The following MAPK13 variants were observed in gnomAD, a reference collection of about 807,000 sequenced individuals.
MAPK13 encodes the protein MAP kinase 13.
Under a neutral mutation model 53.5 loss-of-function variants are expected in MAPK13, and 39 were observed. The observed-to-expected ratio is 0.73, with a 90% confidence interval of 0.56 to 0.95. The LOEUF is 0.95. Ranked by LOEUF, MAPK13 falls within the 40% of genes least tolerant of loss-of-function variation. The pLI is 0.00. For missense variants in MAPK13, 460 were observed against 471.8 expected (o/e 0.98, Z 0.23); for synonymous variants, 179 against 190.9 (o/e 0.94, Z 0.51).
chr6:36,134,657 T>G (rs562522956), intron 3 of MAPK13, among the ~76,000 whole-genome samples: 2 of 151,246 alleles, frequency 1.3e-5, no homozygotes, highest in South Asian at 4.2e-4. Flanking sequence ...CTCAGCCTCT[T>G]GAGTAGCTAA....
In MAPK13 at chr6:36,133,561, C is replaced by T. The variant is rs191129882; in HGVS notation, c.308+882C>T. Among the ~76,000 whole-genome samples, 110 of 152,230 alleles carry T rather than the reference C, an allele frequency of 7.2e-4. 2 individuals carry two copies. Among genetic ancestry groups the T allele is most frequent in the Admixed American group, 4.1e-3 (63 of 15,290 alleles). On this transcript the variant is annotated intron_variant, in intron 3 of 11. Transcript: ENST00000211287. ...TGGGCAGGTTCCTGCTTGAAATACA[C>T]GGTAGAGGAAGAACAGATCTTGGGG...
At chr6:36,131,462 A>C in intron 2 of MAPK13, 62 bp downstream of exon 2, 1 of 1,522,400 alleles carries the variant, frequency 6.6e-7, no homozygotes, top group Non-Finnish European at 8.9e-7. Flanking sequence ...GGGCAGGCGC[A>C]GGCGGGGCCT....
chr6:36,135,746 C>T lies in MAPK13; in HGVS notation c.309-7C>T. On this transcript the variant is annotated splice_region_variant and splice_polypyrimidine_tract_variant and intron_variant, in intron 3 of 11. Transcript: ENST00000211287. The stretch of plus-strand genomic sequence containing the variant: ...GCACTGTTCCAAGAACCCCTCATGC[C>T]TTCCAGCTACCTGGTGATGCCCTTC... The T allele has an allele frequency of 3.1e-6, 5 of 1,607,826 alleles. No individual in the cohort carries two copies. Among genetic ancestry groups the T allele is most frequent in the Non-Finnish European group, 3.4e-6 (4 of 1,175,488 alleles).
chr6:36,136,096 T>G (rs1328297280), intron 5 of MAPK13, 48 bp downstream of exon 5: 3 of 1,607,366 alleles, frequency 1.9e-6, no homozygotes, highest in Non-Finnish European at 2.6e-6. Context: ...GTCCCATCCC[T>G]GGGTATGGGG....
chr6:36,139,510 C>T lies in MAPK13; in HGVS notation c.*137C>T. 1 of 667,456 alleles carries T rather than the reference C, an allele frequency of 1.5e-6. No homozygotes were observed. The highest frequency in any genetic ancestry group is 2.6e-6 in the Non-Finnish European group (1 of 380,444). The allele number at this position is 667,456 out of a possible 1,614,324, so 41.3% of individuals were successfully genotyped here. A position where few individuals can be genotyped will look rare whatever the true frequency, so the allele number is the denominator to read the frequency against. The stretch of plus-strand genomic sequence containing the variant: ...TCCTTCTCCTTATGTGGGAAATGGG[C>T]CTAGTAGATGCAGAATTCAAAGATG... On this transcript the variant is annotated 3_prime_UTR_variant, in exon 12 of 12. Coordinates refer to ENST00000211287, the MANE Select transcript of MAPK13 (RefSeq NM_002754.5).
At position 36,130,614 on chromosome 6, in the gene MAPK13, A is replaced by G; in HGVS notation, c.32A>G (p.Lys11Arg). The G allele has an allele frequency of 6.3e-7, 1 of 1,584,144 alleles. No homozygotes were observed. The highest frequency in any genetic ancestry group is 8.6e-7 in the Non-Finnish European group (1 of 1,167,282). The change falls in exon 1 of 12, where the codon AAG becomes AGG. Residue 11 changes from lysine (K) to arginine (R), a missense_variant. Lys to Arg is a conservative substitution (Grantham distance 26). Transcript: ENST00000211287. The surrounding 1 kb of genome is among the most constrained non-coding windows in gnomAD (Gnocchi z 4.5). ...CTCATCCGGAAAAAGGGCTTCTACAAGCAGGACGTCAACAAGACAGCCTGG... is the reference window on the plus strand; with the variant it reads ...CTCATCCGGAAAAAGGGCTTCTACAGGCAGGACGTCAACAAGACAGCCTGG... MSLIRKKGFYKQDVNKTAWEL... is the reference protein window; with the variant it reads MSLIRKKGFYRQDVNKTAWEL...
chr6:36,141,174 C>T lies in MAPK13; in HGVS notation c.*1801C>T, dbSNP rs1766524557. The stretch of plus-strand genomic sequence containing the variant: ...GTGGATACCTATTGTGCATTTGTTA[C>T]CATCTGTAGGACTGGATAACACAGA... On this transcript the variant is annotated 3_prime_UTR_variant, in exon 12 of 12. Transcript: ENST00000211287. The T allele has an allele frequency of 6.6e-6, 1 of 152,054 alleles. No individual in the cohort carries two copies. The highest frequency in any genetic ancestry group is 1.5e-5 in the Non-Finnish European group (1 of 68,032). The allele number at this position is 152,054 out of a possible 1,614,324, so 9.4% of individuals were successfully genotyped here.
intron 3 of MAPK13, among the ~76,000 whole-genome samples, chr6:36,135,268 CCCTCTTCCACCCT>C: frequency 6.6e-6 from 1 of 152,234 alleles, no homozygotes; most frequent in Non-Finnish European, 1.5e-5. Context: ...CTCCCCATCT[CCCTCTTCCACCCT>C]CCTGGAAACT....
intron 8 of MAPK13, among the ~76,000 whole-genome samples, chr6:36,137,415 T>A (rs1160684299): frequency 1.3e-5 from 2 of 152,100 alleles, no homozygotes; most frequent in African/African-American, 2.4e-5. Context: ...CTCAGGAGGC[T>A]GAGGCAGGAG....
intron 8 of MAPK13, among the ~76,000 whole-genome samples, chr6:36,137,649 CAAAAAA>C (rs71540139): frequency 8.3e-6 from 1 of 120,146 alleles, no homozygotes; most frequent in East Asian, 2.1e-4. Context: ...GACCCTAACT[CAAAAAA>C]AAAAAAAAAA....
rs746068053 is a variant in MAPK13 at position 36,136,644 on chromosome 6, CCT to C, written c.496-11_496-10del. 4.9e-4 allele frequency: 795 copies of C among 1,613,016 alleles called. 1 individual carries two copies. The highest frequency in any genetic ancestry group is 7.2e-4 in the Admixed American group (43 of 59,808). ...CAGCAAGTTCCTTTTCTATTTATCC[CCT>C]GTGCCATAGATTCTGGATTTTGGGC... On this transcript the variant is annotated splice_polypyrimidine_tract_variant and intron_variant, in intron 6 of 11. Coordinates refer to ENST00000211287, the MANE Select transcript of MAPK13 (RefSeq NM_002754.5).
chr6:36,132,788 C>T, intron 3 of MAPK13, 109 bp downstream of exon 3: 3 of 1,161,082 alleles, frequency 2.6e-6, no homozygotes, highest in East Asian at 2.3e-5. Flanking sequence ...CGGGGAGAGC[C>T]TCCTTCCCTG....
Position 36,130,713 on chromosome 6 carries a change from G to GC in MAPK13, c.119+12_119+13insC. On this transcript the variant is annotated intron_variant, in intron 1 of 11. Coordinates refer to ENST00000211287, the MANE Select transcript of MAPK13 (RefSeq NM_002754.5). The surrounding 1 kb of genome is among the most constrained non-coding windows in gnomAD (Gnocchi z 4.5). ...TATGGCTCCGTGTGGTGAGACCCCT[G>GC]GGCCGCTGGGGGGCGGGGGGCGGGC... 1 of 1,315,900 alleles carries GC rather than the reference G, an allele frequency of 7.6e-7. No individual in the cohort carries two copies. Among genetic ancestry groups the GC allele is most frequent in the Non-Finnish European group, 1.0e-6 (1 of 972,442 alleles). The allele number at this position is 1,315,900 out of a possible 1,614,324, so 81.5% of individuals were successfully genotyped here. A position where few individuals can be genotyped will look rare whatever the true frequency, so the allele number is the denominator to read the frequency against.
rs1304668295 is a variant in MAPK13 at position 36,139,433 on chromosome 6, A to G, written c.*60A>G. On this transcript the variant is annotated 3_prime_UTR_variant, in exon 12 of 12. Coordinates refer to ENST00000211287, the MANE Select transcript of MAPK13 (RefSeq NM_002754.5). ...TGCCCAAGGACCAGTATTTGTCACT[A>G]CCAAACTCAGCCCTTCTTGGAATAC... 2 of 1,397,368 alleles carry G rather than the reference A, an allele frequency of 1.4e-6. No individual in the cohort carries two copies. Among genetic ancestry groups the G allele is most frequent in the Admixed American group, 3.4e-5 (2 of 59,478 alleles). The allele number at this position is 1,397,368 out of a possible 1,614,324, so 86.6% of individuals were successfully genotyped here. A position where few individuals can be genotyped will look rare whatever the true frequency, so the allele number is the denominator to read the frequency against.
intron 3 of MAPK13, among the ~76,000 whole-genome samples, chr6:36,135,035 A>G (rs1430777999): frequency 2.0e-5 from 3 of 152,198 alleles, no homozygotes. Context: ...AGAAAGGAAG[A>G]AAGAAAGATG....
Position 36,130,630 on chromosome 6 carries a change from G to C in MAPK13, c.48G>C (p.Lys16Asn). ...KKGFYKQDVNKTAWELPKTYV... is the reference protein window; with the variant it reads ...KKGFYKQDVNNTAWELPKTYV... ...GCTTCTACAAGCAGGACGTCAACAA[G>C]ACAGCCTGGGAGCTGCCCAAGACCT... The change falls in exon 1 of 12, where the codon AAG (lysine) becomes AAC (asparagine). Residue 16 changes from lysine to asparagine, a missense_variant. Transcript: ENST00000211287. The surrounding 1 kb of genome is among the most constrained non-coding windows in gnomAD (Gnocchi z 4.5). The C allele has an allele frequency of 1.9e-6, 3 of 1,587,950 alleles. No homozygotes were observed. The highest frequency in any genetic ancestry group is 2.6e-6 in the Non-Finnish European group (3 of 1,169,458).
intron 3 of MAPK13, 109 bp from the exon 4 acceptor site, chr6:36,135,644 T>C: frequency 2.9e-6 from 2 of 699,620 alleles, no homozygotes; most frequent in South Asian, 1.8e-5. Flanking sequence ...TTTTGCACAC[T>C]GGAGGGTGTC....
At position 36,136,009 on chromosome 6, in the gene MAPK13, T is replaced by C. The variant is rs528232939; in HGVS notation, c.418-10T>C. The C allele has an allele frequency of 5.0e-6, 8 of 1,614,016 alleles. No individual in the cohort carries two copies. The highest frequency in any genetic ancestry group is 2.2e-5 in the South Asian group (2 of 91,076). ...GGCCATGGACTCACCCTTCTCTCTC[T>C]CCCACATAGTACATCCACTCTGCTG... On this transcript the variant is annotated splice_polypyrimidine_tract_variant and intron_variant, in intron 4 of 11. Coordinates refer to ENST00000211287, the MANE Select transcript of MAPK13 (RefSeq NM_002754.5).
In MAPK13 at chr6:36,130,733, G is replaced by GCGGGCGC. The variant is rs1554187141; in HGVS notation, c.119+34_119+40dup. Reference sequence around the variant, plus strand: ...CCCCTGGGCCGCTGGGGGGCGGGGGGCGGGCGCCAGGCTCTCCCCTTTCCG... The same window carrying GCGGGCGC: ...CCCCTGGGCCGCTGGGGGGCGGGGGGCGGGCGCCGGGCGCCAGGCTCTCCCCTTTCCG... On this transcript the variant is annotated intron_variant, in intron 1 of 11. Coordinates refer to ENST00000211287, the MANE Select transcript of MAPK13 (RefSeq NM_002754.5). This position sits in a 1 kb window ranked among gnomAD's most constrained non-coding sequence, Gnocchi z 4.5. 12 of 1,098,938 alleles carry GCGGGCGC rather than the reference G, an allele frequency of 1.1e-5. 1 individual carries two copies. Among genetic ancestry groups the GCGGGCGC allele is most frequent in the Admixed American group, 4.7e-5 (2 of 42,544 alleles). The allele number at this position is 1,098,938 out of a possible 1,614,324, so 68.1% of individuals were successfully genotyped here. A position where few individuals can be genotyped will look rare whatever the true frequency, so the allele number is the denominator to read the frequency against.
Sources: allele counts gnomAD v4.1 joint callset (sites outside exome capture counted in the v4.1 genomes callset), GRCh38; gene constraint gnomAD v4.1.1; non-coding constraint Gnocchi (gnomAD v3.1); transcripts MANE v1.5; gene names NCBI Gene and HGNC (gene_info 2026-07-23, HGNC 2026-07-21).